The following GPR153 variants were observed in gnomAD, a reference collection of about 807,000 sequenced individuals.
GPR153 encodes G protein-coupled receptor 153.
A neutral mutation model predicts 34.1 loss-of-function variants in GPR153; 27 were observed. That is an observed-to-expected ratio of 0.79 (90% CI 0.58 to 1.09). The LOEUF is 1.09. GPR153 is among the 50% of genes least tolerant of loss of function. The pLI is 0.00. For synonymous variants in GPR153, 408 were observed against 405.4 expected (o/e 1.01, Z -0.08); for missense variants, 848 against 860.2 (o/e 0.99, Z 0.18).
chr1:6,255,045 A>G, intron 1 of GPR153, 31 bp from the exon 2 acceptor site: 1 of 580,902 alleles, frequency 1.7e-6, no homozygotes. Context: ...GCACTCAGTG[A>G]CTTCCTCTCT....
Position 6,254,008 on chromosome 1 carries a change from C to T in GPR153, c.496G>A (p.Ala166Thr), listed in dbSNP as rs1638508421. 1 of 1,613,486 alleles carries T rather than the reference C, an allele frequency of 6.2e-7. No homozygotes were observed. ...FYTHGCRFIV[A>T]EIGLGFGVCF... The stretch of plus-strand genomic sequence containing the variant: ...ACGCCAAAGCCCAGGCCGATCTCAG[C>T]CACGATGAAGCGGCAGCCATGGGTG... The change falls in exon 3 of 6, where the codon GCT (alanine) becomes ACT (threonine). Residue 166 changes from alanine (A) to threonine (T), a missense_variant. Ala to Thr is a moderately conservative substitution (Grantham distance 58). Transcript: ENST00000377893.
At position 6,253,909 on chromosome 1, in the gene GPR153, G is replaced by A; in HGVS notation, c.595C>T (p.Leu199=). The A allele has an allele frequency of 1.2e-6, 2 of 1,609,788 alleles. No homozygotes were observed. The highest frequency in any genetic ancestry group is 1.7e-6 in the Non-Finnish European group (2 of 1,178,426). The part of the protein sequence containing the change: ...ICTAIALFQT[L]AVQVGRQADR... ...GCCTGGCGCCCCACCTGCACGGCCA[G>A]CGTCTGGAAGAGGGCGATGGCTGTG... The change falls in exon 3 of 6, where the codon CTG becomes TTG. Residue 199 remains leucine (L), a synonymous_variant. Transcript: ENST00000377893.
At position 6,254,127 on chromosome 1, in the gene GPR153, T is replaced by A. The variant is rs753460778; in HGVS notation, c.377A>T (p.Gln126Leu). ...VNYRLSNAKK[Q>L]AVHTVMGIWM... ...GATACCCATGACTGTGTGCACCGCC[T>A]GCTTCTTGGCATTGCTCAGCCTGGC... Residue 126 changes from glutamine to leucine, a missense_variant, in exon 3 of 6, where the codon CAG (glutamine) becomes CTG (leucine). Physicochemically the swap from Gln to Leu is moderately radical, Grantham distance 113. Transcript: ENST00000377893. 1 of 1,609,736 alleles carries A rather than the reference T, an allele frequency of 6.2e-7. No homozygotes were observed. Among genetic ancestry groups the A allele is most frequent in the South Asian group, 1.1e-5 (1 of 90,974 alleles).
In GPR153 at chr1:6,250,076, G is replaced by A. The variant is rs904267516; in HGVS notation, c.1165-73C>T. 1.3e-5 allele frequency: 16 copies of A among 1,275,312 alleles called. No individual in the cohort carries two copies. In the Admixed American group the frequency reaches 1.6e-4, roughly 13 times the overall value. 79.0% of individuals were successfully genotyped at this position (1,275,312 alleles called of 1,614,324 possible). On this transcript the variant is annotated intron_variant, in intron 5 of 5. Transcript: ENST00000377893. ...CGGGGACAAACCCTTCTCCACCCTG[G>A]GGAAAGGCCTTCCGTGGGTCAGGGA...
In GPR153 at chr1:6,250,508, G is replaced by A. The variant is rs1367713466; in HGVS notation, c.1096C>T (p.Leu366=). Residue 366 remains leucine (L), a synonymous_variant, in exon 5 of 6, where the codon CTG becomes TTG. Transcript: ENST00000377893. Reference sequence around the variant, plus strand: ...TAGAGCTGGGGCAGGCCCCCCTCCAGGGCGGAGATCTCATACTTGGCCATC... The same window carrying A: ...TAGAGCTGGGGCAGGCCCCCCTCCAAGGCGGAGATCTCATACTTGGCCATC... ...DRMAKYEISA[L]EGGLPQLYPL... 1 of 1,610,036 alleles carries A rather than the reference G, an allele frequency of 6.2e-7. No homozygotes were observed. The highest frequency in any genetic ancestry group is 1.3e-5 in the African/African-American group (1 of 74,896).
At position 6,249,333 on chromosome 1, in the gene GPR153, C is replaced by G; in HGVS notation, c.*5G>C. ...CCTGGCGTCCGTGGGGAGGCGCCGGCGGTCCTAGGACGCGGAGCCCAGCGA... is the reference window on the plus strand; with the variant it reads ...CCTGGCGTCCGTGGGGAGGCGCCGGGGGTCCTAGGACGCGGAGCCCAGCGA... On this transcript the variant is annotated 3_prime_UTR_variant, in exon 6 of 6. Coordinates refer to ENST00000377893, the MANE Select transcript of GPR153 (RefSeq NM_207370.4). The surrounding 1 kb of genome is among the most constrained non-coding windows in gnomAD (Gnocchi z 4.3). 1 of 1,274,698 alleles carries G rather than the reference C, an allele frequency of 7.8e-7. No homozygotes were observed. The highest frequency in any genetic ancestry group is 9.9e-7 in the Non-Finnish European group (1 of 1,010,818). 79.0% of individuals were successfully genotyped at this position (1,274,698 alleles called of 1,614,324 possible).
At chr1:6,256,078 A>G (rs527501484) in intron 1 of GPR153, among the ~76,000 whole-genome samples, 1 of 152,212 alleles carries the variant, frequency 6.6e-6, no homozygotes, top group Non-Finnish European at 1.5e-5. Flanking sequence ...TACAGGCGTG[A>G]GCCATAGTGC....
chr1:6,258,388 C>G (rs546947576), intron 1 of GPR153, among the ~76,000 whole-genome samples: 6 of 152,208 alleles, frequency 3.9e-5, no homozygotes, highest in African/African-American at 1.4e-4. Flanking sequence ...TTCGGCCTCC[C>G]GAAGTGCTGG....
At position 6,251,287 on chromosome 1, in the gene GPR153, G is replaced by A. The variant is rs1638441751; in HGVS notation, c.979+51C>T. The A allele has an allele frequency of 6.8e-7, 1 of 1,461,246 alleles. No homozygotes were observed. 90.5% of individuals were successfully genotyped at this position (1,461,246 alleles called of 1,614,324 possible). Reference sequence around the variant, plus strand: ...CAGCCGTTTTCCTGCCAACCCCAATGACCTAACCTAGACGCCACTCTCCCT... The same window carrying A: ...CAGCCGTTTTCCTGCCAACCCCAATAACCTAACCTAGACGCCACTCTCCCT... On this transcript the variant is annotated intron_variant, in intron 4 of 5. Coordinates refer to ENST00000377893, the MANE Select transcript of GPR153 (RefSeq NM_207370.4). This position sits in a 1 kb window ranked among gnomAD's most constrained non-coding sequence, Gnocchi z 4.9.
In GPR153 at chr1:6,247,581, G is replaced by A. The variant is rs1305578210; in HGVS notation, c.*1757C>T. ...TGTTTGTAAAAACCGCAGGATTGGA[G>A]TATTTAGAGGACTCTGTCCCCCTGC... On this transcript the variant is annotated 3_prime_UTR_variant, in exon 6 of 6. Transcript: ENST00000377893. 6.6e-6 allele frequency: 1 copy of A among 152,218 alleles called. No homozygotes were observed. Among genetic ancestry groups the A allele is most frequent in the African/African-American group, 2.4e-5 (1 of 41,450 alleles). 9.4% of individuals were successfully genotyped at this position (152,218 alleles called of 1,614,324 possible).
intron 1 of GPR153, among the ~76,000 whole-genome samples, chr1:6,258,234 TCTC>T (rs1468665759): frequency 1.3e-5 from 2 of 151,988 alleles, no homozygotes; most frequent in Admixed American, 6.6e-5. Context: ...TTCAAACAAT[TCTC>T]CTGCCTCAGC....
intron 1 of GPR153, among the ~76,000 whole-genome samples, chr1:6,258,497 A>G (rs996903005): frequency 3.7e-4 from 57 of 152,270 alleles, no homozygotes; most frequent in African/African-American, 1.4e-3. Flanking sequence ...CTGTGGGCAG[A>G]TACATATTCA....
chr1:6,260,445 C>T (rs1217339506), intron 1 of GPR153, among the ~76,000 whole-genome samples: 1 of 149,300 alleles, frequency 6.7e-6, no homozygotes, highest in African/African-American at 2.5e-5. Context: ...GTGGGTGCCC[C>T]GAGTCCTGCC....
At chr1:6,256,850 T>C (rs1048250581) in intron 1 of GPR153, among the ~76,000 whole-genome samples, 9 of 152,104 alleles carry the variant, frequency 5.9e-5, no homozygotes, top group African/African-American at 2.2e-4. Flanking sequence ...AGTACTGTGT[T>C]ACAACAGCAC....
chr1:6,258,456 C>T (rs1426284525), intron 1 of GPR153, among the ~76,000 whole-genome samples: 1 of 152,178 alleles, frequency 6.6e-6, no homozygotes, highest in Non-Finnish European at 1.5e-5. Flanking sequence ...GGCCAAGACA[C>T]TGAGCTTGGA....
At position 6,260,850 on chromosome 1, in the gene GPR153, G is replaced by A. The variant is rs1308648586; in HGVS notation, c.-135C>T. On this transcript the variant is annotated 5_prime_UTR_variant, in exon 1 of 6. Coordinates refer to ENST00000377893, the MANE Select transcript of GPR153 (RefSeq NM_207370.4). ...CCTGCATTCGAGCGCCCGGGGCTCC[G>A]GCTCGCTGCTCCCGCCTCCGGCTCC... 1 of 150,796 alleles carries A rather than the reference G, an allele frequency of 6.6e-6. No homozygotes were observed. The highest frequency in any genetic ancestry group is 2.4e-5 in the African/African-American group (1 of 41,180). The allele number at this position is 150,796 out of a possible 1,614,324, so 9.3% of individuals were successfully genotyped here. A position where few individuals can be genotyped will look rare whatever the true frequency, so the allele number is the denominator to read the frequency against.
At chr1:6,259,904 A>AAGTGTCTCCTGCAGGGC (rs1553153304) in intron 1 of GPR153, among the ~76,000 whole-genome samples, 1 of 151,870 alleles carries the variant, frequency 6.6e-6, no homozygotes, top group Non-Finnish European at 1.5e-5. Flanking sequence ...TCCTGCTGGG[A>AAGTGTCTCCTGCAGGGC]AGTGTCTCCT....
At chr1:6,250,277 A>G (rs1388627729) in intron 5 of GPR153, 163 bp downstream of exon 5, 41 of 985,208 alleles carry the variant, frequency 4.2e-5, no homozygotes, top group Non-Finnish European at 4.6e-5. Context: ...GTTGGGGCCC[A>G]CCCACACAAG....
At chr1:6,257,464 C>T (rs1283723838) in intron 1 of GPR153, among the ~76,000 whole-genome samples, 1 of 152,230 alleles carries the variant, frequency 6.6e-6, no homozygotes, top group Non-Finnish European at 1.5e-5. Context: ...CACACAGCAG[C>T]GGTGTGGCTG....
Sources: allele counts gnomAD v4.1 joint callset (sites outside exome capture counted in the v4.1 genomes callset), GRCh38; gene constraint gnomAD v4.1.1; non-coding constraint Gnocchi (gnomAD v3.1); transcripts MANE v1.5; gene names NCBI Gene and HGNC (gene_info 2026-07-23, HGNC 2026-07-21).